Variants in MYO5B observed in about 807,000 individuals in gnomAD.
The protein encoded by MYO5B is myosin VB.
A neutral mutation model predicts 229.3 loss-of-function variants in MYO5B; 143 were observed. The observed-to-expected ratio is 0.62, with a 90% CI of 0.54 to 0.72. MYO5B has a LOEUF of 0.72. Ranked by LOEUF, MYO5B falls within the 30% of genes least tolerant of loss-of-function variation. The pLI is 0.00. For missense variants in MYO5B, 2,321 were observed against 2,331.0 expected (o/e 1.00, Z 0.09); for synonymous variants, 918 against 885.2 (o/e 1.04, Z -0.66).
chr18:50,096,717 C>T (rs144436614), intron 1 of MYO5B, among the ~76,000 whole-genome samples: 13 of 152,176 alleles, frequency 8.5e-5, no homozygotes, highest in African/African-American at 3.1e-4. Flanking sequence ...GTTCACAATA[C>T]ATACTCTTAA....
At chr18:49,909,065 C>G (rs1349771934) in intron 18 of MYO5B, among the ~76,000 whole-genome samples, 1 of 152,198 alleles carries the variant, frequency 6.6e-6, no homozygotes, top group African/African-American at 2.4e-5. Context: ...TTTGTCCCCA[C>G]TTCTCATCGT....
At chr18:50,006,651 C>T (rs1054478434) in intron 4 of MYO5B, among the ~76,000 whole-genome samples, 1 of 152,174 alleles carries the variant, frequency 6.6e-6, no homozygotes, top group African/African-American at 2.4e-5. Context: ...TACTCTAACT[C>T]CTCCTAGAAG....
chr18:50,042,301 TA>T (rs750595875), intron 2 of MYO5B, among the ~76,000 whole-genome samples: 15 of 149,332 alleles, frequency 1.0e-4, no homozygotes, highest in East Asian at 3.9e-4. Flanking sequence ...TCTTCTGAAT[TA>T]AAAAAAAAAG....
At chr18:50,132,065 A>G (rs771572801) in intron 1 of MYO5B, among the ~76,000 whole-genome samples, 20 of 152,228 alleles carry the variant, frequency 1.3e-4, no homozygotes, top group Non-Finnish European at 2.2e-4. Flanking sequence ...GGGCTTAGCA[A>G]AATATACCAC....
chr18:49,932,818 C>T (rs927582379), intron 16 of MYO5B, among the ~76,000 whole-genome samples: 5 of 152,138 alleles, frequency 3.3e-5, no homozygotes, highest in Non-Finnish European at 7.3e-5. Context: ...CTTCCTCTCC[C>T]CAACAGTAAA....
At chr18:50,111,331 C>CA (rs1206912740) in intron 1 of MYO5B, among the ~76,000 whole-genome samples, 1 of 152,194 alleles carries the variant, frequency 6.6e-6, no homozygotes, top group Non-Finnish European at 1.5e-5. Context: ...CATAAAACTA[C>CA]AAAATCTCTA....
At chr18:50,059,159 G>T (rs149439042) in intron 1 of MYO5B, among the ~76,000 whole-genome samples, 1 of 152,282 alleles carries the variant, frequency 6.6e-6, no homozygotes, top group African/African-American at 2.4e-5. Flanking sequence ...GCACATCCTG[G>T]CACGGAACAG....
intron 1 of MYO5B, among the ~76,000 whole-genome samples, chr18:50,134,970 C>A (rs1387414898): frequency 6.6e-6 from 1 of 152,274 alleles, no homozygotes; most frequent in East Asian, 1.9e-4. Context: ...TTAAGTTCCT[C>A]AACTGTTTGT....
chr18:49,886,367 G>C (rs2024642038), intron 22 of MYO5B, among the ~76,000 whole-genome samples: 1 of 152,182 alleles, frequency 6.6e-6, no homozygotes, highest in Admixed American at 6.5e-5. Flanking sequence ...TGAGTTACAA[G>C]AAGGAGGCTC....
Position 49,825,662 on chromosome 18 carries a change from A to G in MYO5B, c.*809T>C, listed in dbSNP as rs2023834344. 1 of 152,388 alleles carries G rather than the reference A, an allele frequency of 6.6e-6. No homozygotes were observed. The highest frequency in any genetic ancestry group is 6.5e-5 in the Admixed American group (1 of 15,284). The allele number at this position is 152,388 out of a possible 1,614,324, so 9.4% of individuals were successfully genotyped here. On this transcript the variant is annotated 3_prime_UTR_variant, in exon 40 of 40. Transcript: ENST00000285039. ...TATCCGTTTCTAATATTTAGCTTAT[A>G]TACATTTTTGTGAAAGTTTTGTGGG...
intron 1 of MYO5B, among the ~76,000 whole-genome samples, chr18:50,181,209 T>A (rs1283733857): frequency 6.6e-6 from 1 of 152,218 alleles, no homozygotes; most frequent in Non-Finnish European, 1.5e-5. Flanking sequence ...TGTACTAACA[T>A]ACATATAATT....
rs559507622 is a variant in MYO5B at position 50,139,355 on chromosome 18, ACT to A, written c.27+55410_27+55411del. Among the ~76,000 whole-genome samples the A allele has an allele frequency of 2.4e-4, 37 of 152,284 alleles. 1 individual carries two copies. In the South Asian group the frequency reaches 7.0e-3, roughly 29 times the overall value. The stretch of plus-strand genomic sequence containing the variant: ...CTTGGTCTGGACCCTAGCAGATCAC[ACT>A]CTGTCCCAGAGGTTCCTCAAACATG... On this transcript the variant is annotated intron_variant, in intron 1 of 39. Transcript: ENST00000285039.
At chr18:50,145,318 T>C (rs974562569) in intron 1 of MYO5B, among the ~76,000 whole-genome samples, 3 of 151,654 alleles carry the variant, frequency 2.0e-5, no homozygotes, top group Non-Finnish European at 4.4e-5. Context: ...AAACCCCGTC[T>C]CTACTAAAAA....
At chr18:49,976,464 G>A (rs1420251759) in intron 9 of MYO5B, among the ~76,000 whole-genome samples, 5 of 152,218 alleles carry the variant, frequency 3.3e-5, no homozygotes, top group Non-Finnish European at 2.9e-5. Context: ...TTACTTAACA[G>A]AAGGAGAGGA....
rs147140142 is a variant in MYO5B, at chr18:50,016,064, C to T, written c.456-14653G>A. On this transcript the variant is annotated intron_variant, in intron 4 of 39. Coordinates refer to ENST00000285039, the MANE Select transcript of MYO5B (RefSeq NM_001080467.3). ...AGATTCCCAACTGGTAGAGAAGTGA[C>T]ACAGGGAAAGGGCCAAAGATGGGAG... Among the ~76,000 whole-genome samples, 842 of 152,272 alleles carry T rather than the reference C, an allele frequency of 5.5e-3. 8 individuals are homozygous for T. Among genetic ancestry groups the T allele is most frequent in the African/African-American group, 0.019 (789 of 41,552 alleles).
At chr18:50,106,306 T>C (rs1207812760) in intron 1 of MYO5B, among the ~76,000 whole-genome samples, 1 of 152,186 alleles carries the variant, frequency 6.6e-6, no homozygotes, top group Non-Finnish European at 1.5e-5. Flanking sequence ...CGCATTCTCC[T>C]TACTGCAGCC....
At chr18:49,927,205 C>CTA (rs2025138634) in intron 17 of MYO5B, among the ~76,000 whole-genome samples, 1 of 152,086 alleles carries the variant, frequency 6.6e-6, no homozygotes, top group African/African-American at 2.4e-5. Context: ...CAAAACATTG[C>CTA]TGAAAGAAAT....
At chr18:50,097,350 C>G (rs1053810524) in intron 1 of MYO5B, 1 of 446,298 alleles carries the variant, frequency 2.2e-6, no homozygotes, top group African/African-American at 2.0e-5. Context: ...CCTTACCATT[C>G]TTTTGATTCC....
intron 1 of MYO5B, among the ~76,000 whole-genome samples, chr18:50,067,766 T>G (rs1369657438): frequency 6.6e-6 from 1 of 152,168 alleles, no homozygotes; most frequent in Non-Finnish European, 1.5e-5. Flanking sequence ...CTGGAAGCAT[T>G]TACTGGCACC....
Sources: gnomAD v4.1 joint callset for allele counts (sites outside exome capture counted in the v4.1 genomes callset) on GRCh38, gnomAD v4.1.1 for gene constraint, MANE v1.5 for transcripts, NCBI Gene and HGNC (gene_info 2026-07-23, HGNC 2026-07-21) for gene names.